Variants in DESI1 observed in about 807,000 individuals in gnomAD.
DESI1 encodes the protein PPPDE peptidase domain containing 2.
A neutral mutation model predicts 22.4 loss-of-function variants in DESI1; 17 were observed. The ratio of observed to expected loss-of-function variants is 0.76; its 90% CI spans 0.52 to 1.14. The LOEUF is 1.14. DESI1 is among the 50% of genes most tolerant of loss of function. DESI1 has a pLI of 0.00. For missense variants in DESI1, 177 were observed against 208.9 expected, an observed-to-expected ratio of 0.85 and a Z score of 0.94; for synonymous variants, 92 against 84.2, an observed-to-expected ratio of 1.09 and a Z score of -0.51.
At chr22:41,615,760 G>A (rs1322616347) in intron 1 of DESI1, among the ~76,000 whole-genome samples, 1 of 152,204 alleles carries the variant, frequency 6.6e-6, no homozygotes, top group African/African-American at 2.4e-5. Flanking sequence ...AGGAGCTCCA[G>A]GCTCTTGCCA....
chr22:41,607,546 G>A (rs978206574), intron 2 of DESI1, among the ~76,000 whole-genome samples: 8 of 152,170 alleles, frequency 5.3e-5, no homozygotes, highest in Non-Finnish European at 1.2e-4. Flanking sequence ...ATACTTCTTT[G>A]TTGTGTGGGG....
At position 41,601,030 on chromosome 22, in the gene DESI1, C is replaced by A; in HGVS notation, c.*67G>T. The A allele has an allele frequency of 1.4e-6, 2 of 1,382,952 alleles. No individual in the cohort carries two copies. The highest frequency in any genetic ancestry group is 1.4e-5 in the African/African-American group (1 of 69,290). 85.7% of individuals were successfully genotyped at this position (1,382,952 alleles called of 1,614,324 possible). A position where few individuals can be genotyped will look rare whatever the true frequency, so the allele number is the denominator to read the frequency against. Reference sequence around the variant, plus strand: ...TGATGTAAAATTATAAAATAGAAATCTGGTAGGGTTTGTTTTGTTTAAAAA... The same window carrying A: ...TGATGTAAAATTATAAAATAGAAATATGGTAGGGTTTGTTTTGTTTAAAAA... On this transcript the variant is annotated 3_prime_UTR_variant, in exon 6 of 6. Coordinates refer to ENST00000263256, the MANE Select transcript of DESI1 (RefSeq NM_015704.3).
chr22:41,599,012 T>C lies in DESI1; in HGVS notation c.*2085A>G, dbSNP rs1426837494. ...TGTCACTTGACATCCCAGCTGGTCA[T>C]GCCCCTGGTCAGGTCGCAGGCAAAC... On this transcript the variant is annotated 3_prime_UTR_variant, in exon 6 of 6. Coordinates refer to ENST00000263256, the MANE Select transcript of DESI1 (RefSeq NM_015704.3). 6.6e-6 allele frequency: 1 copy of C among 152,250 alleles called. No homozygotes were observed. Among genetic ancestry groups the C allele is most frequent in the Admixed American group, 6.5e-5 (1 of 15,284 alleles). The allele number at this position is 152,250 out of a possible 1,614,324, so 9.4% of individuals were successfully genotyped here. A position where few individuals can be genotyped will look rare whatever the true frequency, so the allele number is the denominator to read the frequency against.
intron 4 of DESI1, 58 bp downstream of exon 4, chr22:41,603,986 G>C: frequency 1.3e-6 from 2 of 1,490,002 alleles, no homozygotes; most frequent in South Asian, 1.2e-5. Context: ...TGCCTCCAGG[G>C]GTTATTATCT....
intron 3 of DESI1, among the ~76,000 whole-genome samples, chr22:41,606,578 C>G (rs2067482082): frequency 6.6e-6 from 1 of 151,760 alleles, no homozygotes. Context: ...TTGAGATCAG[C>G]CTGGCCAACA....
intron 3 of DESI1, among the ~76,000 whole-genome samples, chr22:41,605,666 G>GC (rs2067475069): frequency 6.6e-6 from 1 of 152,224 alleles, no homozygotes; most frequent in African/African-American, 2.4e-5. Context: ...CAGGCCTTAT[G>GC]CTAGGCACTG....
At chr22:41,618,694 T>C (rs1322422863) in intron 1 of DESI1, among the ~76,000 whole-genome samples, 1 of 152,182 alleles carries the variant, frequency 6.6e-6, no homozygotes, top group African/African-American at 2.4e-5. Flanking sequence ...ACGTGGGGTA[T>C]AGGAAATATC....
intron 1 of DESI1, among the ~76,000 whole-genome samples, chr22:41,611,396 G>T (rs2067516114): frequency 6.6e-6 from 1 of 151,890 alleles, no homozygotes; most frequent in South Asian, 2.1e-4. Context: ...GCCTCCCAAA[G>T]TACTGGGATT....
rs2067446447 is a variant in DESI1 at position 41,600,962 on chromosome 22, C to A, written c.*135G>T. The A allele has an allele frequency of 3.7e-6, 3 of 806,588 alleles. No homozygotes were observed. The Admixed American group carries it at 7.3e-5, about 20-fold the overall frequency. The allele number at this position is 806,588 out of a possible 1,614,324, so 50.0% of individuals were successfully genotyped here. On this transcript the variant is annotated 3_prime_UTR_variant, in exon 6 of 6. Coordinates refer to ENST00000263256, the MANE Select transcript of DESI1 (RefSeq NM_015704.3). ...TGTCTACATGCGGCCTGACGGTCTC[C>A]TTCCCTGGGAAATTTAAAAAGCCGT...
At chr22:41,611,835 C>T (rs1345567574) in intron 1 of DESI1, among the ~76,000 whole-genome samples, 2 of 152,094 alleles carry the variant, frequency 1.3e-5, no homozygotes, top group African/African-American at 4.8e-5. Context: ...TCGTGATCCG[C>T]CCGCCTCGGC....
At chr22:41,617,931 T>C (rs1343564971) in intron 1 of DESI1, among the ~76,000 whole-genome samples, 1 of 152,326 alleles carries the variant, frequency 6.6e-6, no homozygotes, top group East Asian at 1.9e-4. Flanking sequence ...GCCAGACTCT[T>C]TCCTGTCTCA....
intron 1 of DESI1, among the ~76,000 whole-genome samples, chr22:41,610,659 G>C (rs2067511424): frequency 6.6e-6 from 1 of 151,778 alleles, no homozygotes. Context: ...GATCACCTGA[G>C]GTCAGGAGTT....
Position 41,620,981 on chromosome 22 carries a change from G to T in DESI1, c.-142C>A. On this transcript the variant is annotated 5_prime_UTR_variant, in exon 1 of 6. Transcript: ENST00000263256. Reference sequence around the variant, plus strand: ...CGGGCTGAGGGGTGGGGGAGAGGCCGCCCTGCGCTGCTCGCGCCCCCACAC... The same window carrying T: ...CGGGCTGAGGGGTGGGGGAGAGGCCTCCCTGCGCTGCTCGCGCCCCCACAC... 1.2e-6 allele frequency: 1 copy of T among 840,144 alleles called. No homozygotes were observed. The highest frequency in any genetic ancestry group is 1.8e-6 in the Non-Finnish European group (1 of 547,266). The allele number at this position is 840,144 out of a possible 1,614,324, so 52.0% of individuals were successfully genotyped here.
rs1351318099 is a variant in DESI1, at chr22:41,600,978, A to T, written c.*119T>A. On this transcript the variant is annotated 3_prime_UTR_variant, in exon 6 of 6. Coordinates refer to ENST00000263256, the MANE Select transcript of DESI1 (RefSeq NM_015704.3). Reference sequence around the variant, plus strand: ...GACGGTCTCCTTCCCTGGGAAATTTAAAAAGCCGTCCCCTGGTTGTTAGCT... The same window carrying T: ...GACGGTCTCCTTCCCTGGGAAATTTTAAAAGCCGTCCCCTGGTTGTTAGCT... 23 of 969,078 alleles carry T rather than the reference A, an allele frequency of 2.4e-5. No homozygotes were observed. The highest frequency in any genetic ancestry group is 3.0e-5 in the Non-Finnish European group (19 of 637,098). The allele number at this position is 969,078 out of a possible 1,614,324, so 60.0% of individuals were successfully genotyped here.
chr22:41,619,029 A>T (rs971073140), intron 1 of DESI1, among the ~76,000 whole-genome samples: 1 of 151,782 alleles, frequency 6.6e-6, no homozygotes, highest in Non-Finnish European at 1.5e-5. Flanking sequence ...GTGCCACTGC[A>T]CTCCAGCATG....
At chr22:41,617,072 C>G (rs1046922728) in intron 1 of DESI1, among the ~76,000 whole-genome samples, 10 of 152,132 alleles carry the variant, frequency 6.6e-5, no homozygotes, top group East Asian at 1.9e-4. Flanking sequence ...TTTTCTCATC[C>G]AAACTTGAAA....
chr22:41,608,859 C>T (rs1005926440), intron 1 of DESI1, among the ~76,000 whole-genome samples: 22 of 152,184 alleles, frequency 1.4e-4, no homozygotes, highest in Non-Finnish European at 2.5e-4. Context: ...TGTCAGCAAA[C>T]ATCACCCACT....
chr22:41,601,131 C>T lies in DESI1; in HGVS notation c.473G>A (p.Gly158Glu). 1 of 1,613,460 alleles carries T rather than the reference C, an allele frequency of 6.2e-7. No individual in the cohort carries two copies. Among genetic ancestry groups the T allele is most frequent in the South Asian group, 1.1e-5 (1 of 90,932 alleles). Reference protein sequence around the residue: ...LDSIQIQPPGGSSVGRPNGQS With the variant: ...LDSIQIQPPGESSVGRPNGQS Reference sequence around the variant, plus strand: ...GCCGTTGGGTCTGCCCACGGAGCTCCCTCCTGGAGGCTGGATCTGAATGGA... The same window carrying T: ...GCCGTTGGGTCTGCCCACGGAGCTCTCTCCTGGAGGCTGGATCTGAATGGA... Residue 158 changes from glycine (G) to glutamate (E), a missense_variant, in exon 6 of 6, where the codon GGG becomes GAG. Coordinates refer to ENST00000263256, the MANE Select transcript of DESI1 (RefSeq NM_015704.3).
intron 5 of DESI1, chr22:41,602,493 C>T: frequency 1.0e-6 from 1 of 985,446 alleles, no homozygotes; most frequent in Non-Finnish European, 1.2e-6. Context: ...ATATAAAAAA[C>T]AGCCCACCTT....
Sources: allele counts gnomAD v4.1 joint callset (sites outside exome capture counted in the v4.1 genomes callset), GRCh38; gene constraint gnomAD v4.1.1; transcripts MANE v1.5; gene names NCBI Gene and HGNC (gene_info 2026-07-23, HGNC 2026-07-21).